The following GRM1 variants were observed in gnomAD, a reference collection of about 807,000 sequenced individuals.
GRM1 encodes the protein glutamate metabotropic receptor 1, also known as metabotropic glutamate receptor 1.
A neutral mutation model predicts 90.9 loss-of-function variants in GRM1; 33 were observed. That is an observed-to-expected ratio of 0.36 (90% CI 0.28 to 0.49). The LOEUF (loss-of-function observed/expected upper bound fraction) is 0.49. Among genes scored for constraint, GRM1 ranks in the 20% least tolerant of loss-of-function variants. GRM1 has a pLI of 0.99. For synonymous variants in GRM1, 700 were observed against 613.2 expected, an observed-to-expected ratio of 1.14 and a Z score of -2.09; for missense variants, 1,190 against 1,534.3, an observed-to-expected ratio of 0.78 and a Z score of 3.75.
intron 7 of GRM1, among the ~76,000 whole-genome samples, chr6:146,412,230 C>A (rs1262939997): frequency 6.6e-6 from 1 of 152,126 alleles, no homozygotes; most frequent in African/African-American, 2.4e-5. Context: ...ACTTCATGAA[C>A]TGTTTAATAT....
At chr6:146,179,402 T>C (rs569864719) in intron 2 of GRM1, among the ~76,000 whole-genome samples, 1 of 152,248 alleles carries the variant, frequency 6.6e-6, no homozygotes, top group Non-Finnish European at 1.5e-5. Context: ...GGTCAATTGA[T>C]TGAACTTTCT....
At position 146,437,376 on chromosome 6, in the gene GRM1, G is replaced by A. The variant is rs959584270; in HGVS notation, c.*2580G>A. On this transcript the variant is annotated 3_prime_UTR_variant, in exon 8 of 8. Coordinates refer to ENST00000282753, the MANE Select transcript of GRM1 (RefSeq NM_001278064.2). ...GAATGCCTACTATTATCCTGATTAT[G>A]GGGTCTCCTGAATAAATAGAGTATT... 6.6e-6 allele frequency: 1 copy of A among 152,516 alleles called. No individual in the cohort carries two copies. Among genetic ancestry groups the A allele is most frequent in the African/African-American group, 2.4e-5 (1 of 41,396 alleles). The allele number at this position is 152,516 out of a possible 1,614,324, so 9.4% of individuals were successfully genotyped here.
chr6:146,384,839 A>G (rs1182213209), intron 5 of GRM1, among the ~76,000 whole-genome samples: 1 of 152,126 alleles, frequency 6.6e-6, no homozygotes, highest in Non-Finnish European at 1.5e-5. Flanking sequence ...CTGAAAAATA[A>G]CATATCTAAG....
chr6:146,071,422 G>C (rs1776014251), intron 1 of GRM1, among the ~76,000 whole-genome samples: 1 of 152,138 alleles, frequency 6.6e-6, no homozygotes. Context: ...CTGTTATCAA[G>C]AACCATGGAT....
At chr6:146,163,924 T>C (rs1028325199) in intron 2 of GRM1, among the ~76,000 whole-genome samples, 21 of 152,300 alleles carry the variant, frequency 1.4e-4, no homozygotes, top group Non-Finnish European at 2.5e-4. Flanking sequence ...TATCTTAACA[T>C]GGGACTTTAC....
At chr6:146,067,988 A>G (rs1345971215) in intron 1 of GRM1, among the ~76,000 whole-genome samples, 3 of 152,224 alleles carry the variant, frequency 2.0e-5, no homozygotes, top group Non-Finnish European at 4.4e-5. Flanking sequence ...TTTAGGGGAA[A>G]AGTTGTAATG....
At chr6:146,283,207 A>G (rs1782637722) in intron 2 of GRM1, among the ~76,000 whole-genome samples, 1 of 152,198 alleles carries the variant, frequency 6.6e-6, no homozygotes, top group Non-Finnish European at 1.5e-5. Context: ...AACCCCTGCC[A>G]TCTGCAGATG....
At chr6:146,190,384 A>C (rs1229935631) in intron 2 of GRM1, among the ~76,000 whole-genome samples, 1 of 152,212 alleles carries the variant, frequency 6.6e-6, no homozygotes, top group African/African-American at 2.4e-5. Flanking sequence ...TAAGAAAGCA[A>C]AGATGAAACA....
At chr6:146,330,508 A>G (rs1784551237) in intron 3 of GRM1, among the ~76,000 whole-genome samples, 1 of 152,164 alleles carries the variant, frequency 6.6e-6, no homozygotes, top group Non-Finnish European at 1.5e-5. Flanking sequence ...TTATAGAGAT[A>G]TTTTTGATCC....
At chr6:146,354,183 C>A (rs1469340365) in intron 4 of GRM1, among the ~76,000 whole-genome samples, 2 of 152,172 alleles carry the variant, frequency 1.3e-5, no homozygotes, top group African/African-American at 4.8e-5. Context: ...CAGGTTTTGA[C>A]TGGAATGCGA....
intron 4 of GRM1, among the ~76,000 whole-genome samples, chr6:146,352,953 C>T (rs746244248): frequency 3.5e-4 from 53 of 152,306 alleles, no homozygotes; most frequent in Middle Eastern, 3.4e-3. Context: ...GAACTAAGTC[C>T]TGCATATGTG....
At chr6:146,075,413 A>G (rs768884544) in intron 1 of GRM1, among the ~76,000 whole-genome samples, 3 of 152,226 alleles carry the variant, frequency 2.0e-5, no homozygotes, top group Non-Finnish European at 4.4e-5. Flanking sequence ...GAAAAAGGCA[A>G]TAAAGTAATA....
chr6:146,305,201 C>T (rs1040792278), intron 3 of GRM1, among the ~76,000 whole-genome samples: 2 of 151,854 alleles, frequency 1.3e-5, no homozygotes, highest in Non-Finnish European at 2.9e-5. Context: ...CTGGTTAGAT[C>T]CTCTTTTTTC....
intron 1 of GRM1, among the ~76,000 whole-genome samples, chr6:146,121,847 T>G (rs1213252187): frequency 6.6e-6 from 1 of 152,218 alleles, no homozygotes; most frequent in Non-Finnish European, 1.5e-5. Flanking sequence ...GTGCTTTACT[T>G]CCAACTATGT....
At chr6:146,335,444 C>A (rs981194152) in intron 3 of GRM1, among the ~76,000 whole-genome samples, 1 of 152,106 alleles carries the variant, frequency 6.6e-6, no homozygotes, top group East Asian at 1.9e-4. Flanking sequence ...CTGAATGCCT[C>A]CCTAGGAAAG....
chr6:146,096,776 T>C (rs1335852495), intron 1 of GRM1, among the ~76,000 whole-genome samples: 1 of 152,162 alleles, frequency 6.6e-6, no homozygotes, highest in Non-Finnish European at 1.5e-5. Flanking sequence ...TTTGATGATA[T>C]CATTTTTAGC....
At chr6:146,096,318 A>G (rs1458279669) in intron 1 of GRM1, among the ~76,000 whole-genome samples, 1 of 152,180 alleles carries the variant, frequency 6.6e-6, no homozygotes, top group East Asian at 1.9e-4. Flanking sequence ...GGGTTGGAAG[A>G]GACCTGGAGA....
At chr6:146,275,994 CAGAGAGAGAG>C (rs150993040) in intron 2 of GRM1, among the ~76,000 whole-genome samples, 1 of 148,766 alleles carries the variant, frequency 6.7e-6, no homozygotes, top group African/African-American at 2.5e-5. Flanking sequence ...AGGAGGAAGG[CAGAGAGAGAG>C]AGAGAGAGAG....
chr6:146,379,692 T>C (rs1776248626), intron 5 of GRM1, among the ~76,000 whole-genome samples: 1 of 152,182 alleles, frequency 6.6e-6, no homozygotes, highest in African/African-American at 2.4e-5. Context: ...GCCTTTACTG[T>C]CTGGGCTTAT....
Sources: gnomAD v4.1 joint callset for allele counts (sites outside exome capture counted in the v4.1 genomes callset) on GRCh38, gnomAD v4.1.1 for gene constraint, MANE v1.5 for transcripts, NCBI Gene and HGNC (gene_info 2026-07-23, HGNC 2026-07-21) for gene names.